Variants in KIAA0825 observed in about 807,000 individuals in gnomAD.
KIAA0825 encodes KIAA0825.
A neutral mutation model predicts 147.6 loss-of-function variants in KIAA0825; 119 were observed. The ratio of observed to expected loss-of-function variants is 0.81; its 90% confidence interval spans 0.69 to 0.94. The LOEUF (loss-of-function observed/expected upper bound fraction) is 0.94. KIAA0825 is among the 40% of genes least tolerant of loss of function. The pLI, the probability that KIAA0825 is intolerant of heterozygous loss-of-function variation, is 0.00. For synonymous variants in KIAA0825, 470 were observed against 518.1 expected (o/e 0.91, Z 1.26); for missense variants, 1,381 against 1,472.7 (o/e 0.94, Z 1.02).
At chr5:94,344,591 CTATT>C (rs1782787189) in intron 20 of KIAA0825, among the ~76,000 whole-genome samples, 2 of 152,158 alleles carry the variant, frequency 1.3e-5, no homozygotes, top group Non-Finnish European at 2.9e-5. Flanking sequence ...ACTGAAACAG[CTATT>C]TGTTCATCCA....
chr5:94,548,667 GA>G (rs1774933260), intron 2 of KIAA0825, among the ~76,000 whole-genome samples: 1 of 152,046 alleles, frequency 6.6e-6, no homozygotes, highest in South Asian at 2.1e-4. Flanking sequence ...CTGCCTACAA[GA>G]AATACATTTC....
intron 20 of KIAA0825, among the ~76,000 whole-genome samples, chr5:94,258,199 C>CA (rs1435332790): frequency 6.6e-6 from 1 of 151,700 alleles, no homozygotes; most frequent in African/African-American, 2.4e-5. Context: ...TTGGATGTCA[C>CA]AAAAAAGTTT....
chr5:94,190,357 G>A (rs532908651), intron 20 of KIAA0825, among the ~76,000 whole-genome samples: 51 of 152,020 alleles, frequency 3.4e-4, no homozygotes, highest in Non-Finnish European at 6.9e-4. Flanking sequence ...ACGGAGTCTC[G>A]CTCTGTCGCC....
At chr5:94,331,208 GAAAGAAAGA>G (rs900771074) in intron 20 of KIAA0825, among the ~76,000 whole-genome samples, 1 of 150,704 alleles carries the variant, frequency 6.6e-6, no homozygotes, top group Admixed American at 6.6e-5. Context: ...GAAGGAAAGA[GAAAGAAAGA>G]AAAGAAAGAA....
chr5:94,181,110 C>G (rs748295791), intron 20 of KIAA0825, among the ~76,000 whole-genome samples: 1 of 152,200 alleles, frequency 6.6e-6, no homozygotes, highest in Non-Finnish European at 1.5e-5. Flanking sequence ...GAGCAGAAGT[C>G]ATTTTAAATC....
intron 20 of KIAA0825, among the ~76,000 whole-genome samples, chr5:94,264,286 A>G (rs538860922): frequency 2.0e-5 from 3 of 152,308 alleles, no homozygotes; most frequent in South Asian, 2.1e-4. Flanking sequence ...TTGAAGCACA[A>G]GGTTGGTTCA....
intron 20 of KIAA0825, among the ~76,000 whole-genome samples, chr5:94,277,143 T>C (rs1777259592): frequency 1.3e-5 from 2 of 152,104 alleles, no homozygotes; most frequent in African/African-American, 4.8e-5. Flanking sequence ...TGATACTCTG[T>C]TTTATTTCTG....
At chr5:94,514,824 T>C (rs1269891226) in intron 5 of KIAA0825, among the ~76,000 whole-genome samples, 1 of 152,192 alleles carries the variant, frequency 6.6e-6, no homozygotes, top group Admixed American at 6.5e-5. Flanking sequence ...CTTGGTTATC[T>C]TGAATGATCT....
rs754577018 is a variant in KIAA0825, at chr5:94,515,791, C to CAA, written c.970+4455_970+4456dup. ...TGGGCAACAGAGGGAGACTCTGTCTCAAAAAAAAAAAAAAAATTAGAGAAA... is the reference window on the plus strand; with the variant it reads ...TGGGCAACAGAGGGAGACTCTGTCTCAAAAAAAAAAAAAAAAAATTAGAGAAA... On this transcript the variant is annotated intron_variant, in intron 5 of 20. Coordinates refer to ENST00000682413, the MANE Select transcript of KIAA0825 (RefSeq NM_001145678.3). Among the ~76,000 whole-genome samples the CAA allele has an allele frequency of 6.8e-3, 634 of 93,594 alleles. 20 individuals are homozygous for CAA. The highest frequency in any genetic ancestry group is 0.025 in the African/African-American group (584 of 23,800). 61.4% of individuals were successfully genotyped at this position (93,594 alleles called of 152,430 possible).
intron 2 of KIAA0825, among the ~76,000 whole-genome samples, chr5:94,552,742 C>CA (rs1239258728): frequency 6.6e-6 from 1 of 152,046 alleles, no homozygotes; most frequent in Non-Finnish European, 1.5e-5. Context: ...TGGAGGATAC[C>CA]ATGTTAAATG....
chr5:94,494,936 G>A (rs1349409205), intron 5 of KIAA0825, among the ~76,000 whole-genome samples: 1 of 152,114 alleles, frequency 6.6e-6, no homozygotes, highest in African/African-American at 2.4e-5. Flanking sequence ...TAAAATTAAT[G>A]CCATCATCAA....
chr5:94,286,862 T>C (rs2150160630), intron 20 of KIAA0825, among the ~76,000 whole-genome samples: 2 of 152,224 alleles, frequency 1.3e-5, no homozygotes, highest in East Asian at 3.9e-4. Context: ...CTCAGGGAAT[T>C]TGCACCCCCA....
At chr5:94,554,680 T>C (rs965820754) in intron 2 of KIAA0825, among the ~76,000 whole-genome samples, 5 of 144,346 alleles carry the variant, frequency 3.5e-5, no homozygotes, top group Middle Eastern at 7.3e-3. Context: ...CCGACTCTTT[T>C]GTAGCACTTA....
At chr5:94,516,175 TATC>T (rs1767199708) in intron 5 of KIAA0825, among the ~76,000 whole-genome samples, 2 of 152,200 alleles carry the variant, frequency 1.3e-5, no homozygotes, top group South Asian at 4.1e-4. Context: ...TCTGGTACCT[TATC>T]ATAGAAAAAT....
chr5:94,248,773 C>A (rs899579025), intron 20 of KIAA0825, among the ~76,000 whole-genome samples: 2 of 152,064 alleles, frequency 1.3e-5, no homozygotes, highest in African/African-American at 4.8e-5. Flanking sequence ...AATGAACAAC[C>A]CTGAACTACG....
Position 94,197,148 on chromosome 5 carries a change from A to G in KIAA0825, c.3711-43024T>C, listed in dbSNP as rs530444696. Among the ~76,000 whole-genome samples the G allele has an allele frequency of 6.9e-4, 105 of 152,280 alleles. 1 individual carries two copies. Among genetic ancestry groups the G allele is most frequent in the African/African-American group, 2.3e-3 (97 of 41,548 alleles). On this transcript the variant is annotated intron_variant, in intron 20 of 20. Transcript: ENST00000682413. ...ACATCTGGTGTGTCTTGACTTTTTA[A>G]TAATAGCCATTCTGACTGGTGTGAG...
intron 20 of KIAA0825, among the ~76,000 whole-genome samples, chr5:94,326,966 T>G (rs1364434216): frequency 6.6e-6 from 1 of 152,086 alleles, no homozygotes; most frequent in African/African-American, 2.4e-5. Flanking sequence ...GCTGACCCAT[T>G]TTGAATATAA....
chr5:94,259,616 T>TA (rs2150130394), intron 20 of KIAA0825, among the ~76,000 whole-genome samples: 1 of 152,160 alleles, frequency 6.6e-6, no homozygotes, highest in South Asian at 2.1e-4. Context: ...GACTTTTTTA[T>TA]AGTTTCCATT....
intron 20 of KIAA0825, among the ~76,000 whole-genome samples, chr5:94,200,236 A>G (rs1771541281): frequency 6.6e-6 from 1 of 152,122 alleles, no homozygotes; most frequent in Non-Finnish European, 1.5e-5. Flanking sequence ...ATGATCCTGG[A>G]GATCCGTGAT....
Sources: allele counts gnomAD v4.1 joint callset (sites outside exome capture counted in the v4.1 genomes callset), GRCh38; gene constraint gnomAD v4.1.1; transcripts MANE v1.5; gene names NCBI Gene and HGNC (gene_info 2026-07-23, HGNC 2026-07-21).